RBMS1: variants seen among roughly 807,000 people sequenced by gnomAD.
RBMS1 encodes the protein RNA-binding motif, single-stranded-interacting protein 1.
A neutral mutation model predicts 62.3 loss-of-function variants in RBMS1; 17 were observed. That is an observed-to-expected ratio of 0.27 (90% CI 0.19 to 0.41). RBMS1 has a LOEUF of 0.41. Among genes scored for constraint, RBMS1 ranks in the 10% least tolerant of loss-of-function variants. RBMS1 has a pLI of 1.00. For synonymous variants in RBMS1, 172 were observed against 170.0 expected (o/e 1.01, Z -0.09); for missense variants, 334 against 504.5 (o/e 0.66, Z 3.24).
chr2:160,431,479 T>A (rs1404792325), intron 1 of RBMS1, among the ~76,000 whole-genome samples: 2 of 152,108 alleles, frequency 1.3e-5, no homozygotes, highest in African/African-American at 4.8e-5. Context: ...AAGCCAGGAA[T>A]CTACTGGGAG....
chr2:160,320,596 G>A (rs1690502283), intron 2 of RBMS1, among the ~76,000 whole-genome samples: 1 of 152,040 alleles, frequency 6.6e-6, no homozygotes. Flanking sequence ...TGCTCTATTA[G>A]TTCTGGTGAG....
intron 9 of RBMS1, 64 bp from the exon 10 acceptor site, chr2:160,281,428 G>T: frequency 1.5e-6 from 2 of 1,295,470 alleles, no homozygotes; most frequent in South Asian, 2.6e-5. Context: ...TATTTCTTTA[G>T]AACTCTTTTT....
intron 2 of RBMS1, among the ~76,000 whole-genome samples, chr2:160,324,907 TACACACAC>T (rs1183675474): frequency 3.7e-4 from 40 of 106,734 alleles, no homozygotes; most frequent in South Asian, 9.8e-4. Flanking sequence ...TATATATATA[TACACACAC>T]ACACACACAC....
At chr2:160,365,690 T>C (rs1693357963) in intron 2 of RBMS1, among the ~76,000 whole-genome samples, 1 of 152,096 alleles carries the variant, frequency 6.6e-6, no homozygotes, top group Non-Finnish European at 1.5e-5. Context: ...CCTCTCCTCT[T>C]CTCTTACACC....
chr2:160,322,199 C>T (rs1690598518), intron 2 of RBMS1, among the ~76,000 whole-genome samples: 1 of 152,126 alleles, frequency 6.6e-6, no homozygotes, highest in Non-Finnish European at 1.5e-5. Flanking sequence ...AAACAAAAAG[C>T]TCATACAAGT....
chr2:160,298,838 C>T (rs549975166), intron 6 of RBMS1, among the ~76,000 whole-genome samples: 3 of 152,200 alleles, frequency 2.0e-5, no homozygotes, highest in East Asian at 1.9e-4. Context: ...AATATGGCTG[C>T]GGTCTTCCTA....
intron 1 of RBMS1, among the ~76,000 whole-genome samples, chr2:160,457,466 T>A (rs1684288917): frequency 6.6e-6 from 1 of 152,184 alleles, no homozygotes. Flanking sequence ...CTCTCACAGC[T>A]GGTAAGTAGC....
At chr2:160,459,265 G>T (rs1291190214) in intron 1 of RBMS1, among the ~76,000 whole-genome samples, 1 of 152,062 alleles carries the variant, frequency 6.6e-6, no homozygotes, top group East Asian at 1.9e-4. Flanking sequence ...AAAACACTGG[G>T]TGGCTTCCCG....
intron 1 of RBMS1, chr2:160,407,561 C>CGCGGGA: frequency 1.0e-6 from 1 of 983,402 alleles, no homozygotes; most frequent in Non-Finnish European, 1.2e-6. Flanking sequence ...CGGGTGCGGG[C>CGCGGGA]GCGGGCGCGG....
intron 5 of RBMS1, among the ~76,000 whole-genome samples, chr2:160,300,964 CTGAG>C (rs1205134076): frequency 6.6e-6 from 1 of 152,140 alleles, no homozygotes; most frequent in Non-Finnish European, 1.5e-5. Context: ...CAAGAATCTA[CTGAG>C]TGTTTAAGAT....
Position 160,439,410 on chromosome 2 carries a change from C to G in RBMS1, c.75+53879G>C, listed in dbSNP as rs1265462593. 2.0e-5 allele frequency among the ~76,000 whole-genome samples: 3 copies of G among 151,998 alleles called. No individual in the cohort carries two copies. The South Asian group carries it at 6.2e-4, about 32-fold the overall frequency. On this transcript the variant is annotated intron_variant, in intron 1 of 13. Transcript: ENST00000348849. ...GCCGGGCAGAGACGCCCCTCACATC[C>G]CGGACGGGGCGGCAGGGCAGAGGTG...
rs990576654 is a variant in RBMS1, at chr2:160,493,215, C to G, written c.75+74G>C. On this transcript the variant is annotated intron_variant, in intron 1 of 13. Coordinates refer to ENST00000348849, the MANE Select transcript of RBMS1 (RefSeq NM_016836.4). ...TGGCGGGGGTTCGCCGCGCGCCCCC[C>G]TCCCCAGGCCTGACCCTGCGCGCGT... is the stretch of plus-strand genomic sequence containing the variant. The G allele has an allele frequency of 1.6e-5, 23 of 1,429,360 alleles. No individual in the cohort carries two copies. In the Admixed American group the frequency reaches 3.9e-4, roughly 24 times the overall value. The allele number at this position is 1,429,360 out of a possible 1,614,324, so 88.5% of individuals were successfully genotyped here. A position where few individuals can be genotyped will look rare whatever the true frequency, so the allele number is the denominator to read the frequency against.
intron 12 of RBMS1, among the ~76,000 whole-genome samples, chr2:160,276,918 A>C (rs945273283): frequency 2.6e-5 from 4 of 152,168 alleles, no homozygotes; most frequent in African/African-American, 9.7e-5. Context: ...TGTGGCCTGG[A>C]TGTTGTTACC....
intron 4 of RBMS1, among the ~76,000 whole-genome samples, chr2:160,311,708 A>G (rs1053941447): frequency 7.2e-6 from 1 of 139,616 alleles, no homozygotes; most frequent in Non-Finnish European, 1.6e-5. Flanking sequence ...CTTTACTTGA[A>G]GAAGCCAGAT....
chr2:160,360,956 T>C (rs7580832), intron 2 of RBMS1, among the ~76,000 whole-genome samples: 1,712 of 152,304 alleles, frequency 0.011, 40 homozygotes, highest in African/African-American at 0.037. Context: ...TTGAATATTA[T>C]AAATGAGGAA....
intron 2 of RBMS1, among the ~76,000 whole-genome samples, chr2:160,321,419 T>C (rs990689374): frequency 2.6e-5 from 4 of 152,194 alleles, no homozygotes; most frequent in African/African-American, 9.6e-5. Context: ...CTTAGGAAAT[T>C]CATTCAGTGC....
At chr2:160,290,535 A>G (rs1394349192) in intron 6 of RBMS1, among the ~76,000 whole-genome samples, 3 of 152,170 alleles carry the variant, frequency 2.0e-5, no homozygotes, top group Non-Finnish European at 4.4e-5. Flanking sequence ...CCTTAAATCA[A>G]CTGATTTTGC....
At chr2:160,302,762 G>T (rs917263070) in intron 5 of RBMS1, 2 of 149,590 alleles carry the variant, frequency 1.3e-5, no homozygotes, top group African/African-American at 4.9e-5. Context: ...AAAATGCTGG[G>T]ATTACAGGCA....
At chr2:160,301,958 T>C in intron 5 of RBMS1, among the ~76,000 whole-genome samples, 1 of 152,240 alleles carries the variant, frequency 6.6e-6, no homozygotes, top group East Asian at 1.9e-4. Context: ...CTTTAAAATA[T>C]ATACACATTA....
Sources: gnomAD v4.1 joint callset for allele counts (sites outside exome capture counted in the v4.1 genomes callset) on GRCh38, gnomAD v4.1.1 for gene constraint, MANE v1.5 for transcripts, NCBI Gene and HGNC (gene_info 2026-07-23, HGNC 2026-07-21) for gene names.